OSBPL9: variants seen among roughly 807,000 people sequenced by gnomAD.
OSBPL9 encodes oxysterol-binding protein-related protein 9.
OSBPL9 carries 40 observed loss-of-function variants against 106.6 expected under a neutral mutation model. The observed-to-expected ratio is 0.38, with a 90% CI of 0.29 to 0.49. The LOEUF (loss-of-function observed/expected upper bound fraction) is 0.49, where lower values mean the gene tolerates loss of function less well. Ranked by LOEUF, OSBPL9 falls within the 20% of genes least tolerant of loss-of-function variation. The pLI, the probability that OSBPL9 is intolerant of heterozygous loss-of-function variation, is 0.97. For synonymous variants in OSBPL9, 269 were observed against 295.4 expected (o/e 0.91, Z 0.92); for missense variants, 609 against 887.2 (o/e 0.69, Z 3.98).
chr1:51,639,391 G>A (rs1171233767), intron 1 of OSBPL9, among the ~76,000 whole-genome samples: 7 of 152,188 alleles, frequency 4.6e-5, no homozygotes, highest in Non-Finnish European at 8.8e-5. Flanking sequence ...TGGAAACAGT[G>A]TTTACATTTA....
At chr1:51,726,644 C>T (rs1663178233) in intron 4 of OSBPL9, among the ~76,000 whole-genome samples, 1 of 151,868 alleles carries the variant, frequency 6.6e-6, no homozygotes, top group Non-Finnish European at 1.5e-5. Context: ...AATTTAATCA[C>T]CTAATAGCCT....
In OSBPL9 at chr1:51,668,341, G is replaced by A. The variant is rs147517494; in HGVS notation, c.163-1093G>A. 9.8e-5 allele frequency among the ~76,000 whole-genome samples: 15 copies of A among 152,320 alleles called. No homozygotes were observed. The East Asian group carries it at 2.9e-3, about 29-fold the overall frequency. On this transcript the variant is annotated intron_variant, in intron 2 of 23. Coordinates refer to ENST00000428468, the MANE Select transcript of OSBPL9 (RefSeq NM_024586.6). ...TGTAGTTGAATATTAAGAAAAGGGG[G>A]CCAGGTGTGGTGGCGCACTCCTGTA...
At chr1:51,618,808 A>G (rs564214856) in intron 1 of OSBPL9, among the ~76,000 whole-genome samples, 1 of 152,322 alleles carries the variant, frequency 6.6e-6, no homozygotes, top group African/African-American at 2.4e-5. Context: ...TTTTAAAGCA[A>G]TTTGCTCAAC....
chr1:51,756,421 CAGG>C, intron 9 of OSBPL9, 63 bp downstream of exon 9: 2 of 1,487,058 alleles, frequency 1.3e-6, no homozygotes, highest in Non-Finnish European at 1.9e-6. Context: ...CCAGTCATAT[CAGG>C]AGAAGCCTGA....
At chr1:51,552,360 A>T in the OSBPL9 span, among the ~76,000 whole-genome samples, 3 of 152,192 alleles carry the variant, frequency 2.0e-5, no homozygotes, top group African/African-American at 7.2e-5. Context: ...TTGAGCACTT[A>T]CTATATACCA....
intron 7 of OSBPL9, chr1:51,749,556 C>A: frequency 2.5e-6 from 1 of 405,370 alleles, no homozygotes; most frequent in Admixed American, 2.4e-5. Context: ...AGCGATCCTC[C>A]TTCCTTGGCC....
chr1:51,676,178 G>T (rs1257207276), intron 3 of OSBPL9, among the ~76,000 whole-genome samples: 3 of 152,114 alleles, frequency 2.0e-5, no homozygotes, highest in African/African-American at 7.2e-5. Context: ...AAGAGGCCGG[G>T]CACTTTGGGA....
chr1:51,775,809 C>CT lies in OSBPL9; in HGVS notation c.1171-1023dup, dbSNP rs755339681. 3.3e-5 allele frequency among the ~76,000 whole-genome samples: 5 copies of CT among 152,238 alleles called. No homozygotes were observed. In the East Asian group the frequency reaches 9.7e-4, roughly 29 times the overall value. On this transcript the variant is annotated intron_variant, in intron 14 of 23. Transcript: ENST00000428468. ...TATTTTTAGTAGAGACGGGGTTTCA[C>CT]TGTGTTGGCCAGGCTGGTCTCGAAC...
the OSBPL9 span, chr1:51,519,177 GC>G: frequency 7.0e-7 from 1 of 1,438,792 alleles, no homozygotes; most frequent in Non-Finnish European, 9.2e-7. Context: ...GCCAAGCCCG[GC>G]GGACGGGCGT....
chr1:51,711,846 A>G, intron 3 of OSBPL9, among the ~76,000 whole-genome samples: 1 of 148,190 alleles, frequency 6.7e-6, no homozygotes, highest in Non-Finnish European at 1.5e-5. Context: ...CTCACTTCCT[A>G]GATGTGATGG....
At chr1:51,587,817 A>C (rs549493725) in intron 1 of OSBPL9, among the ~76,000 whole-genome samples, 1 of 152,262 alleles carries the variant, frequency 6.6e-6, no homozygotes, top group East Asian at 1.9e-4. Flanking sequence ...TGCTGTATTC[A>C]TTTCCTCAGC....
chr1:51,697,770 G>T (rs1260789427), intron 3 of OSBPL9, among the ~76,000 whole-genome samples: 2 of 150,104 alleles, frequency 1.3e-5, no homozygotes, highest in Non-Finnish European at 3.0e-5. Flanking sequence ...AATGAGCAAA[G>T]ATGATAAAAT....
intron 4 of OSBPL9, among the ~76,000 whole-genome samples, chr1:51,719,823 G>T (rs1182402454): frequency 6.6e-6 from 1 of 152,120 alleles, no homozygotes; most frequent in Non-Finnish European, 1.5e-5. Flanking sequence ...ATAATACAAA[G>T]CAATACAATC....
At chr1:51,723,170 G>A (rs191175585) in intron 4 of OSBPL9, among the ~76,000 whole-genome samples, 52 of 152,256 alleles carry the variant, frequency 3.4e-4, no homozygotes, top group Non-Finnish European at 7.1e-4. Context: ...CTCAAGGTCC[G>A]TAGTTTACAT....
At chr1:51,643,367 G>C (rs1255387058) in intron 1 of OSBPL9, among the ~76,000 whole-genome samples, 4 of 152,162 alleles carry the variant, frequency 2.6e-5, no homozygotes, top group African/African-American at 9.7e-5. Flanking sequence ...TAGAGGTTCA[G>C]GTAAAGCTTC....
At chr1:51,526,054 T>C in the OSBPL9 span, among the ~76,000 whole-genome samples, 14 of 152,156 alleles carry the variant, frequency 9.2e-5, no homozygotes, top group South Asian at 2.1e-4. Flanking sequence ...TTTTTGTATT[T>C]TTTGTAGAGA....
chr1:51,599,431 CTT>C (rs1645317111), intron 2 of OSBPL9, among the ~76,000 whole-genome samples: 3 of 152,004 alleles, frequency 2.0e-5, no homozygotes, highest in Admixed American at 2.0e-4. Context: ...ACAGTGGCTT[CTT>C]TGTTTTTATA....
chr1:51,768,719 C>T (rs917617132), intron 12 of OSBPL9, among the ~76,000 whole-genome samples: 1 of 152,228 alleles, frequency 6.6e-6, no homozygotes, highest in Non-Finnish European at 1.5e-5. Context: ...GAAATCGAAA[C>T]ATTTAAAACA....
At chr1:51,581,654 C>T (rs1179904685) in intron 1 of OSBPL9, among the ~76,000 whole-genome samples, 1 of 152,100 alleles carries the variant, frequency 6.6e-6, no homozygotes, top group East Asian at 1.9e-4. Context: ...TTATTTTATA[C>T]CTTATTATTA....
Sources: allele counts gnomAD v4.1 joint callset (sites outside exome capture counted in the v4.1 genomes callset), GRCh38; gene constraint gnomAD v4.1.1; transcripts MANE v1.5; gene names NCBI Gene and HGNC (gene_info 2026-07-23, HGNC 2026-07-21).